NADK2: variants seen among roughly 807,000 people sequenced by gnomAD.
NADK2 encodes NAD kinase 2, mitochondrial.
Under a neutral mutation model 62.1 loss-of-function variants are expected in NADK2, and 35 were observed. The ratio of observed to expected loss-of-function variants is 0.56; its 90% CI spans 0.43 to 0.75. NADK2 has a LOEUF of 0.75. Ranked by LOEUF, NADK2 falls within the 30% of genes least tolerant of loss-of-function variation. The pLI, the probability that NADK2 is intolerant of heterozygous loss-of-function variation, is 0.00. For missense variants in NADK2, 439 were observed against 561.3 expected, an observed-to-expected ratio of 0.78 and a Z score of 2.20; for synonymous variants, 205 against 207.9, an observed-to-expected ratio of 0.99 and a Z score of 0.12.
Position 36,241,018 on chromosome 5 carries a change from G to C in NADK2, c.300+481C>G, listed in dbSNP as rs565541130. On this transcript the variant is annotated intron_variant, in intron 1 of 11. Coordinates refer to ENST00000381937, the MANE Select transcript of NADK2 (RefSeq NM_001085411.3). This position sits in a 1 kb window ranked among gnomAD's most constrained non-coding sequence, Gnocchi z 4.9. Reference sequence around the variant, plus strand: ...AAGGGGGTGTGTCCGCGGTTGTTTCGGCCCTTTTCCCCCGGCAGCCCTCAG... The same window carrying C: ...AAGGGGGTGTGTCCGCGGTTGTTTCCGCCCTTTTCCCCCGGCAGCCCTCAG... Among the ~76,000 whole-genome samples the C allele has an allele frequency of 6.6e-6, 1 of 152,150 alleles. No individual in the cohort carries two copies. Among genetic ancestry groups the C allele is most frequent in the South Asian group, 2.1e-4 (1 of 4,832 alleles).
intron 8 of NADK2, among the ~76,000 whole-genome samples, chr5:36,204,448 C>T (rs570967480): frequency 2.6e-5 from 4 of 152,188 alleles, no homozygotes; most frequent in African/African-American, 9.6e-5. Flanking sequence ...CTATTTCTAA[C>T]AGAAATTTCC....
At chr5:36,231,090 C>T (rs1747692300) in intron 1 of NADK2, among the ~76,000 whole-genome samples, 1 of 152,138 alleles carries the variant, frequency 6.6e-6, no homozygotes, top group African/African-American at 2.4e-5. Flanking sequence ...AGCACATAAA[C>T]CTTACTGTGT....
chr5:36,207,446 T>C (rs1436188009), intron 7 of NADK2, among the ~76,000 whole-genome samples, 181 bp from the exon 8 acceptor site: 2 of 147,092 alleles, frequency 1.4e-5, no homozygotes, highest in African/African-American at 2.5e-5. Context: ...TAGAAGAAAT[T>C]AAAAAAAAAA....
chr5:36,201,090 C>T lies in NADK2; in HGVS notation c.1012+16G>A. 1 of 1,610,416 alleles carries T rather than the reference C, an allele frequency of 6.2e-7. No homozygotes were observed. The highest frequency in any genetic ancestry group is 8.5e-7 in the Non-Finnish European group (1 of 1,177,362). ...GGATAAGAGGGGACTACTCCAATAG[C>T]TGTTTTGGTACTCACCAATATTTAA... On this transcript the variant is annotated intron_variant, in intron 9 of 11. Transcript: ENST00000381937.
intron 10 of NADK2, among the ~76,000 whole-genome samples, chr5:36,199,961 G>A (rs1167842908): frequency 6.6e-6 from 1 of 151,960 alleles, no homozygotes; most frequent in Non-Finnish European, 1.5e-5. Flanking sequence ...TGTGAGATAA[G>A]GATTTTTCTG....
At position 36,207,214 on chromosome 5, in the gene NADK2, C is replaced by CAGAAA; in HGVS notation, c.911_912insTTTCT (p.Lys304AsnfsTer3). On this transcript the variant is annotated frameshift_variant, in exon 8 of 12. Coordinates refer to ENST00000381937, the MANE Select transcript of NADK2 (RefSeq NM_001085411.3). LOFTEE classifies it high-confidence loss of function. ...CAGTACACAAATTGAGCCCTGAACT[C>CAGAAA]TTCTGTTTTTCCCATGGACCATCAT... is the stretch of plus-strand genomic sequence containing the variant. The CAGAAA allele has an allele frequency of 6.2e-7, 1 of 1,613,288 alleles. No homozygotes were observed. Among genetic ancestry groups the CAGAAA allele is most frequent in the Non-Finnish European group, 8.5e-7 (1 of 1,179,494 alleles).
chr5:36,195,424 T>C (rs943308243), intron 11 of NADK2, 142 bp from the exon 12 acceptor site: 1 of 820,294 alleles, frequency 1.2e-6, no homozygotes, highest in Non-Finnish European at 1.9e-6. Context: ...AGTCACTATG[T>C]AAATATATGG....
At chr5:36,208,891 T>C (rs990777447) in intron 7 of NADK2, among the ~76,000 whole-genome samples, 7 of 152,144 alleles carry the variant, frequency 4.6e-5, no homozygotes, top group East Asian at 1.9e-4. Context: ...ACAGTTCTGA[T>C]GCTAGCTAAT....
chr5:36,196,842 G>C lies in NADK2; in HGVS notation c.1190+699C>G, dbSNP rs141695200. ...TCTCAAATGACAACATGAATGTTAA[G>C]ATAAATTTCCTTATTTGTGTCTAAC... On this transcript the variant is annotated intron_variant, in intron 11 of 11. Coordinates refer to ENST00000381937, the MANE Select transcript of NADK2 (RefSeq NM_001085411.3). 2.0e-5 allele frequency among the ~76,000 whole-genome samples: 3 copies of C among 151,672 alleles called. No homozygotes were observed. The South Asian group carries it at 6.2e-4, about 31-fold the overall frequency.
At chr5:36,234,199 C>T (rs1454906900) in intron 1 of NADK2, among the ~76,000 whole-genome samples, 1 of 151,036 alleles carries the variant, frequency 6.6e-6, no homozygotes, top group East Asian at 1.9e-4. Context: ...ACGGTGAAAC[C>T]CCGTCTCTAC....
intron 7 of NADK2, among the ~76,000 whole-genome samples, chr5:36,208,437 T>A (rs1030876276): frequency 4.6e-5 from 7 of 151,732 alleles, no homozygotes; most frequent in Non-Finnish European, 1.0e-4. Flanking sequence ...AGATTAGAGG[T>A]AAGGGGGCAT....
chr5:36,207,915 C>A (rs188953720), intron 7 of NADK2, among the ~76,000 whole-genome samples: 1 of 152,132 alleles, frequency 6.6e-6, no homozygotes, highest in East Asian at 1.9e-4. Context: ...GGTTTTCTGG[C>A]ACCAGCAAAA....
rs75107818 is a variant in NADK2 at position 36,222,246 on chromosome 5, G to A, written c.561-2567C>T. Among the ~76,000 whole-genome samples, 1,454 of 151,154 alleles carry A rather than the reference G, an allele frequency of 9.6e-3. 11 individuals carry two copies. Among genetic ancestry groups the A allele is most frequent in the Non-Finnish European group, 0.012 (806 of 67,754 alleles). On this transcript the variant is annotated intron_variant, in intron 4 of 11. Transcript: ENST00000381937. Reference sequence around the variant, plus strand: ...ACTTTTGACAAAAGCACATACAAAGGCATGGGTGGGTGGGTTAGGGGGACA... The same window carrying A: ...ACTTTTGACAAAAGCACATACAAAGACATGGGTGGGTGGGTTAGGGGGACA...
intron 6 of NADK2, among the ~76,000 whole-genome samples, chr5:36,215,485 G>T (rs1747008917): frequency 1.3e-5 from 2 of 152,078 alleles, no homozygotes; most frequent in Non-Finnish European, 2.9e-5. Flanking sequence ...GAGGTATTTT[G>T]AAATATACAA....
chr5:36,218,761 A>G (rs1331648588), intron 5 of NADK2, among the ~76,000 whole-genome samples: 1 of 152,198 alleles, frequency 6.6e-6, no homozygotes, highest in Non-Finnish European at 1.5e-5. Context: ...ACCACTGAAC[A>G]CATTAAGTAA....
At chr5:36,222,123 A>G (rs1376273495) in intron 4 of NADK2, among the ~76,000 whole-genome samples, 4 of 152,236 alleles carry the variant, frequency 2.6e-5, no homozygotes, top group African/African-American at 9.6e-5. Flanking sequence ...AAATAAATAT[A>G]TAGGGATAAG....
At chr5:36,235,908 A>T (rs79059694) in intron 1 of NADK2, among the ~76,000 whole-genome samples, 179 of 1,870 alleles carry the variant, frequency 0.096, no homozygotes, top group South Asian at 0.15. Flanking sequence ...TATATATATA[A>T]AAAATAAATT....
chr5:36,200,191 C>T (rs1204499693), intron 10 of NADK2, 36 bp downstream of exon 10: 2 of 1,491,158 alleles, frequency 1.3e-6, no homozygotes, highest in South Asian at 2.5e-5. Flanking sequence ...TGAAACAGAA[C>T]TAAACTGTTA....
At position 36,241,420 on chromosome 5, in the gene NADK2, A is replaced by T; in HGVS notation, c.300+79T>A. 1.4e-6 allele frequency: 2 copies of T among 1,431,076 alleles called. No homozygotes were observed. The highest frequency in any genetic ancestry group is 1.8e-6 in the Non-Finnish European group (2 of 1,095,322). 88.6% of individuals were successfully genotyped at this position (1,431,076 alleles called of 1,614,324 possible). A position where few individuals can be genotyped will look rare whatever the true frequency, so the allele number is the denominator to read the frequency against. On this transcript the variant is annotated intron_variant, in intron 1 of 11. Coordinates refer to ENST00000381937, the MANE Select transcript of NADK2 (RefSeq NM_001085411.3). The surrounding 1 kb of genome is among the most constrained non-coding windows in gnomAD (Gnocchi z 4.9). ...GTGCCCTGGGAAGAGTCGTCCCGAG[A>T]GGTCCCCCCGAGGGGGCGCAGCCGC... is the stretch of plus-strand genomic sequence containing the variant.
Sources: allele counts gnomAD v4.1 joint callset (sites outside exome capture counted in the v4.1 genomes callset), GRCh38; gene constraint gnomAD v4.1.1; non-coding constraint Gnocchi (gnomAD v3.1); transcripts MANE v1.5; gene names NCBI Gene and HGNC (gene_info 2026-07-23, HGNC 2026-07-21).